Variants in CSGALNACT1 observed in about 807,000 individuals in gnomAD.
CSGALNACT1 encodes the protein chondroitin sulfate N-acetylgalactosaminyltransferase 1.
A neutral mutation model predicts 51.0 loss-of-function variants in CSGALNACT1; 52 were observed. The ratio of observed to expected loss-of-function variants is 1.02; its 90% confidence interval spans 0.82 to 1.29. The LOEUF is 1.29. Among genes scored for constraint, CSGALNACT1 ranks in the 50% most tolerant of loss-of-function variants. The pLI is 0.00. For synonymous variants in CSGALNACT1, 341 were observed against 254.4 expected, an observed-to-expected ratio of 1.34 and a Z score of -3.24; for missense variants, 935 against 679.2, an observed-to-expected ratio of 1.38 and a Z score of -4.19.
intron 3 of CSGALNACT1, among the ~76,000 whole-genome samples, chr8:19,538,625 G>A (rs771603878): frequency 7.9e-5 from 12 of 152,108 alleles, no homozygotes; most frequent in Non-Finnish European, 1.3e-4. Flanking sequence ...GTGCATAAAG[G>A]TTTAGTTTCT....
At chr8:19,659,964 C>A (rs2058620043) in intron 1 of CSGALNACT1, among the ~76,000 whole-genome samples, 1 of 152,204 alleles carries the variant, frequency 6.6e-6, no homozygotes, top group South Asian at 2.1e-4. Context: ...TAGACTCTAG[C>A]CGCTTTCTTT....
At chr8:19,584,007 C>T (rs1276265177) in intron 3 of CSGALNACT1, among the ~76,000 whole-genome samples, 1 of 152,194 alleles carries the variant, frequency 6.6e-6, no homozygotes, top group Non-Finnish European at 1.5e-5. Flanking sequence ...TAAGCACAAA[C>T]TGGGCCACAT....
chr8:19,637,387 C>T (rs893808969), intron 1 of CSGALNACT1, among the ~76,000 whole-genome samples: 1 of 152,098 alleles, frequency 6.6e-6, no homozygotes, highest in Non-Finnish European at 1.5e-5. Context: ...ACCATATGCA[C>T]TTGGGAAGAT....
chr8:19,503,580 T>TA (rs760409751), intron 4 of CSGALNACT1, among the ~76,000 whole-genome samples: 3 of 152,090 alleles, frequency 2.0e-5, no homozygotes, highest in South Asian at 4.1e-4. Flanking sequence ...TTTTTTTTTT[T>TA]AATGATGTTT....
chr8:19,545,141 A>G (rs1448820730), intron 3 of CSGALNACT1, among the ~76,000 whole-genome samples: 1 of 152,110 alleles, frequency 6.6e-6, no homozygotes, highest in Non-Finnish European at 1.5e-5. Flanking sequence ...TTCCTCCAAT[A>G]AAACTGTTAA....
intron 4 of CSGALNACT1, among the ~76,000 whole-genome samples, chr8:19,461,915 C>A (rs567283244): frequency 1.3e-5 from 2 of 151,812 alleles, no homozygotes; most frequent in Non-Finnish European, 2.9e-5. Flanking sequence ...TGTATCCGCA[C>A]AGCACCCACG....
intron 1 of CSGALNACT1, among the ~76,000 whole-genome samples, chr8:19,642,320 G>A (rs369530111): frequency 6.6e-6 from 1 of 152,168 alleles, no homozygotes; most frequent in Non-Finnish European, 1.5e-5. Flanking sequence ...GAAAATAATT[G>A]TAAGGAGGAA....
chr8:19,575,239 A>G (rs1379919913), intron 3 of CSGALNACT1, among the ~76,000 whole-genome samples: 1 of 152,184 alleles, frequency 6.6e-6, no homozygotes, highest in African/African-American at 2.4e-5. Context: ...TATTTTTTCC[A>G]ATAATTGCTA....
chr8:19,702,277 T>C (rs566404734), intron 1 of CSGALNACT1, among the ~76,000 whole-genome samples: 1 of 152,146 alleles, frequency 6.6e-6, no homozygotes, highest in Non-Finnish European at 1.5e-5. Context: ...GTAATCCCAA[T>C]GCTTTGGGAG....
At chr8:19,407,906 TGTGTGTGTGTG>T (rs1272329773) in intron 9 of CSGALNACT1, among the ~76,000 whole-genome samples, 21 of 45,646 alleles carry the variant, frequency 4.6e-4, no homozygotes, top group African/African-American at 2.1e-3. Flanking sequence ...GTATATGAAT[TGTGTGTGTGTG>T]TGTGTGTGTG....
chr8:19,446,386 C>T (rs1419017100), intron 5 of CSGALNACT1, among the ~76,000 whole-genome samples: 1 of 152,120 alleles, frequency 6.6e-6, no homozygotes, highest in African/African-American at 2.4e-5. Flanking sequence ...TCTCAGGAAA[C>T]TCCAACTTCC....
intron 1 of CSGALNACT1, among the ~76,000 whole-genome samples, chr8:19,656,965 C>A (rs1270428018): frequency 6.6e-6 from 1 of 151,034 alleles, no homozygotes; most frequent in African/African-American, 2.4e-5. Context: ...ATTCAGGAGG[C>A]TGAGGCAGGA....
At chr8:19,464,422 C>G (rs2066217632) in intron 4 of CSGALNACT1, among the ~76,000 whole-genome samples, 1 of 152,188 alleles carries the variant, frequency 6.6e-6, no homozygotes, top group African/African-American at 2.4e-5. Flanking sequence ...CTTCAAGATG[C>G]TCCGTAATCA....
chr8:19,683,434 A>G (rs2060776206), upstream of CSGALNACT1, among the ~76,000 whole-genome samples: 1 of 152,228 alleles, frequency 6.6e-6, no homozygotes, highest in Non-Finnish European at 1.5e-5. Context: ...AACCATTAGA[A>G]TTACTAAGAG....
intron 3 of CSGALNACT1, among the ~76,000 whole-genome samples, chr8:19,512,291 G>A (rs925846971): frequency 6.6e-6 from 1 of 152,190 alleles, no homozygotes; most frequent in African/African-American, 2.4e-5. Flanking sequence ...CCCTGAAAGA[G>A]CTTGAAAATG....
chr8:19,406,087 A>G lies in CSGALNACT1; in HGVS notation c.1310-18T>C. On this transcript the variant is annotated intron_variant, in intron 9 of 9. Transcript: ENST00000454498. ...AAACCCACCTGTCGGGACAGAACACACTGTTGAATCACACTGCACTGATCT... is the reference window on the plus strand; with the variant it reads ...AAACCCACCTGTCGGGACAGAACACGCTGTTGAATCACACTGCACTGATCT... 1 of 1,613,906 alleles carries G rather than the reference A, an allele frequency of 6.2e-7. No individual in the cohort carries two copies. Among genetic ancestry groups the G allele is most frequent in the Non-Finnish European group, 8.5e-7 (1 of 1,179,996 alleles).
chr8:19,593,346 C>G (rs1190737086), intron 2 of CSGALNACT1, among the ~76,000 whole-genome samples: 1 of 152,202 alleles, frequency 6.6e-6, no homozygotes, highest in Admixed American at 6.5e-5. Flanking sequence ...ATATAGGGAC[C>G]TTACTGGTAA....
chr8:19,483,461 C>G (rs2072004564), intron 4 of CSGALNACT1, among the ~76,000 whole-genome samples: 1 of 152,232 alleles, frequency 6.6e-6, no homozygotes, highest in Non-Finnish European at 1.5e-5. Context: ...CTGCCCTGCC[C>G]TAGGGCTCTG....
chr8:19,462,154 T>C (rs1470174048), intron 4 of CSGALNACT1, among the ~76,000 whole-genome samples: 2 of 152,250 alleles, frequency 1.3e-5, no homozygotes, highest in South Asian at 4.1e-4. Context: ...AGGGCCTAAC[T>C]GCAGAGGAGC....
Sources: gnomAD v4.1 joint callset for allele counts (sites outside exome capture counted in the v4.1 genomes callset) on GRCh38, gnomAD v4.1.1 for gene constraint, MANE v1.5 for transcripts, NCBI Gene and HGNC (gene_info 2026-07-23, HGNC 2026-07-21) for gene names.